LARS2: variants seen among roughly 807,000 people sequenced by gnomAD.
The protein encoded by LARS2 is leucyl-tRNA synthetase 2, mitochondrial, also known as leucine--tRNA ligase, mitochondrial.
Under a neutral mutation model 116.6 loss-of-function variants are expected in LARS2, and 81 were observed. The ratio of observed to expected loss-of-function variants is 0.69; its 90% CI spans 0.58 to 0.84. The LOEUF is 0.84. Ranked by LOEUF, LARS2 falls within the 40% of genes least tolerant of loss-of-function variation. The pLI, the probability that LARS2 is intolerant of heterozygous loss-of-function variation, is 0.00. For missense variants in LARS2, 968 were observed against 1,114.5 expected (o/e 0.87, Z 1.87); for synonymous variants, 396 against 407.2 (o/e 0.97, Z 0.33).
chr3:45,511,620 T>TA (rs1700291126), intron 15 of LARS2, among the ~76,000 whole-genome samples: 1 of 151,974 alleles, frequency 6.6e-6, no homozygotes, highest in South Asian at 2.1e-4. Context: ...GTTGCAGCCT[T>TA]AGGCTGAACA....
chr3:45,541,743 T>C (rs1279799291), intron 20 of LARS2, 86 bp from the exon 21 acceptor site: 1 of 1,526,886 alleles, frequency 6.5e-7, no homozygotes, highest in African/African-American at 1.4e-5. Flanking sequence ...CAAGCCAGGC[T>C]GTGTTGGGAT....
chr3:45,485,864 T>C (rs1273088664), intron 11 of LARS2, 68 bp downstream of exon 11: 1 of 907,554 alleles, frequency 1.1e-6, no homozygotes, highest in African/African-American at 1.6e-5. Flanking sequence ...TACTCCCCTG[T>C]TGCTGTCATC....
At chr3:45,393,435 CA>C (rs1697991202) in intron 2 of LARS2, among the ~76,000 whole-genome samples, 4 of 152,130 alleles carry the variant, frequency 2.6e-5, no homozygotes, top group Admixed American at 2.6e-4. Flanking sequence ...ATTAGCCGGG[CA>C]TGTTGGTGCA....
chr3:45,543,450 A>ATTT (rs1186073698), intron 21 of LARS2, among the ~76,000 whole-genome samples: 2 of 142,544 alleles, frequency 1.4e-5, no homozygotes, highest in African/African-American at 2.6e-5. Flanking sequence ...CCAACCCAGA[A>ATTT]TTTTTTTTTT....
chr3:45,459,163 A>G (rs1478777021), intron 8 of LARS2, among the ~76,000 whole-genome samples: 1 of 152,208 alleles, frequency 6.6e-6, no homozygotes, highest in Non-Finnish European at 1.5e-5. Flanking sequence ...AAAATCATCC[A>G]TAATTATATC....
intron 9 of LARS2, among the ~76,000 whole-genome samples, chr3:45,474,718 C>CA (rs1340172075): frequency 2.6e-5 from 4 of 152,108 alleles, no homozygotes; most frequent in African/African-American, 9.7e-5. Flanking sequence ...TACTGGCTAC[C>CA]ATATTGGACA....
chr3:45,449,156 AT>A (rs1161349903), intron 7 of LARS2, among the ~76,000 whole-genome samples: 5,031 of 102,876 alleles, frequency 0.049, 154 homozygotes, highest in Admixed American at 0.12. Context: ...TTAACTCACT[AT>A]TTTTTTTTTT....
In LARS2 at chr3:45,484,630, AATATAT is replaced by A. The variant is rs1553634444; in HGVS notation, c.1019-1049_1019-1044del. Among the ~76,000 whole-genome samples, 26 of 9,746 alleles carry A rather than the reference AATATAT, an allele frequency of 2.7e-3. 3 individuals are homozygous for A. The Admixed American group carries it at 0.041, about 16-fold the overall frequency. 6.4% of individuals were successfully genotyped at this position (9,746 alleles called of 152,430 possible). On this transcript the variant is annotated intron_variant, in intron 10 of 21. Transcript: ENST00000645846. ...AAAAAAAAAAAAAAAAAAAAAAAAA[AATATAT>A]ATATATATATATTTAAAATAAGATG...
intron 4 of LARS2, among the ~76,000 whole-genome samples, chr3:45,415,899 A>G (rs138767532): frequency 0.43 from 51,169 of 120,014 alleles, 10,885 homozygotes; most frequent in Non-Finnish European, 0.52. Context: ...AGAGGGAGAG[A>G]GAGAGAGAGA....
At chr3:45,515,246 T>C (rs1272817035) in intron 16 of LARS2, among the ~76,000 whole-genome samples, 1 of 152,254 alleles carries the variant, frequency 6.6e-6, no homozygotes, top group Non-Finnish European at 1.5e-5. Flanking sequence ...TCTTCTGCCC[T>C]GTTCTCCTTC....
rs1393687590 is a variant in LARS2, at chr3:45,501,162, G to T, written c.1760+583G>T. Among the ~76,000 whole-genome samples the T allele has an allele frequency of 1.4e-5, 2 of 143,808 alleles. 1 individual carries two copies. Among genetic ancestry groups the T allele is most frequent in the Non-Finnish European group, 3.1e-5 (2 of 65,212 alleles). The allele number at this position is 143,808 out of a possible 152,430, so 94.3% of individuals were successfully genotyped here. A position where few individuals can be genotyped will look rare whatever the true frequency, so the allele number is the denominator to read the frequency against. ...AAGAATGGTACAACACATTAAATATGGAATTTTTATATATGAACATACATG... is the reference window on the plus strand; with the variant it reads ...AAGAATGGTACAACACATTAAATATTGAATTTTTATATATGAACATACATG... On this transcript the variant is annotated intron_variant, in intron 15 of 21. Coordinates refer to ENST00000645846, the MANE Select transcript of LARS2 (RefSeq NM_015340.4).
chr3:45,416,841 G>T (rs761254543), intron 4 of LARS2, among the ~76,000 whole-genome samples: 4 of 152,150 alleles, frequency 2.6e-5, no homozygotes, highest in Non-Finnish European at 5.9e-5. Flanking sequence ...TTAGGAGGCC[G>T]ATGCGGGCGG....
chr3:45,547,343 CT>C lies in LARS2; in HGVS notation c.2533-6del. 1.3e-6 allele frequency: 2 copies of C among 1,597,640 alleles called. No homozygotes were observed. The highest frequency in any genetic ancestry group is 2.3e-5 in the South Asian group (2 of 88,648). On this transcript the variant is annotated splice_polypyrimidine_tract_variant and splice_region_variant and intron_variant, in intron 21 of 21. Coordinates refer to ENST00000645846, the MANE Select transcript of LARS2 (RefSeq NM_015340.4). Reference sequence around the variant, plus strand: ...CTCATTGTTTATCTTGGCTTTTCTCCTTCTCAGATCAACAATAAAGCTTGTG... The same window carrying C: ...CTCATTGTTTATCTTGGCTTTTCTCCTCTCAGATCAACAATAAAGCTTGTG...
At chr3:45,406,410 A>G (rs961462776) in intron 4 of LARS2, among the ~76,000 whole-genome samples, 1 of 152,204 alleles carries the variant, frequency 6.6e-6, no homozygotes, top group African/African-American at 2.4e-5. Flanking sequence ...TGGCACTTAC[A>G]TGAATGGGAT....
rs1408683756 is a variant in LARS2 at position 45,491,538 on chromosome 3, G to C, written c.1261G>C (p.Asp421His). The C allele has an allele frequency of 3.1e-6, 5 of 1,614,044 alleles. No homozygotes were observed. The highest frequency in any genetic ancestry group is 4.2e-6 in the Non-Finnish European group (5 of 1,180,030). ...TCAGTTCACAGGTATGACCCGGCAG[G>C]ATGCTTTTCTAGCCCTGACTCAGAA... Reference protein sequence around the residue: ...SAEFTGMTRQDAFLALTQKAR... With the variant: ...SAEFTGMTRQHAFLALTQKAR... Residue 421 changes from aspartate to histidine, a missense_variant, in exon 13 of 22, where the codon GAT (aspartate) becomes CAT (histidine). Asp to His is a moderately conservative substitution (Grantham distance 81). Coordinates refer to ENST00000645846, the MANE Select transcript of LARS2 (RefSeq NM_015340.4).
Position 45,472,505 on chromosome 3 carries a change from C to T in LARS2, c.751-1738C>T, listed in dbSNP as rs1699544010. Reference sequence around the variant, plus strand: ...CTATAAAGAGAGAGGATTCTGATGACAATGTCAGCCCCATGGCTCTATGAC... The same window carrying T: ...CTATAAAGAGAGAGGATTCTGATGATAATGTCAGCCCCATGGCTCTATGAC... On this transcript the variant is annotated intron_variant, in intron 8 of 21. Transcript: ENST00000645846. Among the ~76,000 whole-genome samples, 7 of 152,172 alleles carry T rather than the reference C, an allele frequency of 4.6e-5. No homozygotes were observed. In the South Asian group the frequency reaches 1.2e-3, roughly 27 times the overall value.
At chr3:45,539,508 A>G (rs534473328) in intron 20 of LARS2, among the ~76,000 whole-genome samples, 3 of 152,040 alleles carry the variant, frequency 2.0e-5, no homozygotes, top group Non-Finnish European at 4.4e-5. Flanking sequence ...GTGCACACCT[A>G]TAGTCTCAGC....
chr3:45,421,666 C>G (rs1309551654), intron 6 of LARS2: 1 of 152,206 alleles, frequency 6.6e-6, no homozygotes, highest in Non-Finnish European at 1.5e-5. Flanking sequence ...TGCTCCTCCC[C>G]CAAACTTAAG....
intron 4 of LARS2, 140 bp downstream of exon 4, chr3:45,400,513 G>C: frequency 1.3e-6 from 1 of 781,322 alleles, no homozygotes; most frequent in Middle Eastern, 3.9e-4. Flanking sequence ...GAAAAGCTCA[G>C]TGTTTCCTTT....
Sources: allele counts gnomAD v4.1 joint callset (sites outside exome capture counted in the v4.1 genomes callset), GRCh38; gene constraint gnomAD v4.1.1; transcripts MANE v1.5; gene names NCBI Gene and HGNC (gene_info 2026-07-23, HGNC 2026-07-21).